DEAF1: variants seen among roughly 807,000 people sequenced by gnomAD.
The protein encoded by DEAF1 is DEAF1 transcription factor, also known as deformed epidermal autoregulatory factor 1 homolog.
In DEAF1, 53 loss-of-function variants were observed where a neutral mutation model predicts 58.9. The ratio of observed to expected loss-of-function variants is 0.90; its 90% CI spans 0.72 to 1.13. The LOEUF (loss-of-function observed/expected upper bound fraction) is 1.13, where lower values mean the gene tolerates loss of function less well. Among genes scored for constraint, DEAF1 ranks in the 50% most tolerant of loss-of-function variants. The pLI is 0.00. For missense variants in DEAF1, 685 were observed against 791.4 expected, an observed-to-expected ratio of 0.87 and a Z score of 1.61; for synonymous variants, 385 against 340.4, an observed-to-expected ratio of 1.13 and a Z score of -1.44.
intron 10 of DEAF1, among the ~76,000 whole-genome samples, chr11:669,104 C>T (rs1371487080): frequency 2.7e-5 from 4 of 147,682 alleles, no homozygotes; most frequent in Middle Eastern, 3.4e-3. Flanking sequence ...GGATTACAGG[C>T]GTAAGCCACT....
At chr11:694,472 G>A (rs1208358339) in intron 1 of DEAF1, 12 of 325,414 alleles carry the variant, frequency 3.7e-5, no homozygotes, top group Non-Finnish European at 6.7e-5. Context: ...GTCACCTGGA[G>A]CAGGTACGTG....
chr11:675,332 A>G (rs1454980476), intron 9 of DEAF1, among the ~76,000 whole-genome samples: 1 of 152,194 alleles, frequency 6.6e-6, no homozygotes, highest in East Asian at 1.9e-4. Context: ...CAGCCTGGGC[A>G]ACATAGCAGG....
chr11:700,247 A>T (rs7482162), intron 1 of DEAF1: 1 of 1,610,318 alleles, frequency 6.2e-7, no homozygotes, highest in Non-Finnish European at 8.5e-7. Flanking sequence ...TAAGTCAGGG[A>T]CGGGCACAGT....
chr11:690,681 G>C (rs534926402), intron 2 of DEAF1, among the ~76,000 whole-genome samples: 11 of 152,240 alleles, frequency 7.2e-5, no homozygotes, highest in Admixed American at 7.2e-4. Flanking sequence ...AGGAGGCGGA[G>C]GTTGCAATGA....
intron 10 of DEAF1, among the ~76,000 whole-genome samples, chr11:657,088 C>T (rs1859094462): frequency 6.6e-6 from 1 of 152,152 alleles, no homozygotes; most frequent in Non-Finnish European, 1.5e-5. Context: ...CTCCACGTGA[C>T]AACATCCCAG....
intron 9 of DEAF1, among the ~76,000 whole-genome samples, chr11:675,506 G>A (rs1355930865): frequency 6.6e-6 from 1 of 151,986 alleles, no homozygotes; most frequent in African/African-American, 2.4e-5. Context: ...TTCGGCCTTG[G>A]TGACTTAATG....
chr11:644,698 A>C lies in DEAF1; in HGVS notation c.1594-44T>G, dbSNP rs1858399647. 2.0e-6 allele frequency: 3 copies of C among 1,507,376 alleles called. No homozygotes were observed. The highest frequency in any genetic ancestry group is 2.4e-5 in the East Asian group (1 of 42,392). 93.4% of individuals were successfully genotyped at this position (1,507,376 alleles called of 1,614,324 possible). A position where few individuals can be genotyped will look rare whatever the true frequency, so the allele number is the denominator to read the frequency against. ...CCATGTCAGCAGGGTCAGTGGGTGG[A>C]GCAGGGTCTGGGCAGGGTCCCCAAG... is the stretch of plus-strand genomic sequence containing the variant. On this transcript the variant is annotated intron_variant, in intron 11 of 11. Transcript: ENST00000382409. The surrounding 1 kb of genome is among the most constrained non-coding windows in gnomAD (Gnocchi z 4.3).
Position 654,417 on chromosome 11 carries a change from G to A in DEAF1, c.1504-366C>T, listed in dbSNP as rs554908627. On this transcript the variant is annotated intron_variant, in intron 10 of 11. Coordinates refer to ENST00000382409, the MANE Select transcript of DEAF1 (RefSeq NM_021008.4). ...TCTGACCTCGTGATCCACCTGCCTC[G>A]GCCTCCCAAAGTGCTGGGATTACAG... 9.3e-5 allele frequency among the ~76,000 whole-genome samples: 14 copies of A among 150,926 alleles called. No homozygotes were observed. The South Asian group carries it at 1.7e-3, about 18-fold the overall frequency.
In DEAF1 at chr11:686,963, G is replaced by A; in HGVS notation, c.699C>T (p.Asn233=). The A allele has an allele frequency of 3.1e-6, 5 of 1,614,186 alleles. No individual in the cohort carries two copies. The highest frequency in any genetic ancestry group is 4.2e-6 in the Non-Finnish European group (5 of 1,180,046). The change falls in exon 5 of 12, where the codon AAC becomes AAT. Residue 233 remains asparagine (N), a synonymous_variant. Transcript: ENST00000382409. ...GRGRCIKQGE[N]WYSPTEFEAM... ...CCTCAAACTCGGTGGGACTGTACCA[G>A]TTCTCCCCCTGCTTGATGCACCGTC...
At chr11:664,410 TC>T (rs1478028016) in intron 10 of DEAF1, among the ~76,000 whole-genome samples, 3 of 151,140 alleles carry the variant, frequency 2.0e-5, no homozygotes, top group Admixed American at 6.6e-5. Context: ...AAGTCCTGAC[TC>T]CAGCTATTCA....
chr11:681,407 CTTTCT>C (rs1455805555), intron 6 of DEAF1, among the ~76,000 whole-genome samples: 30 of 107,252 alleles, frequency 2.8e-4, no homozygotes, highest in Non-Finnish European at 3.8e-4. Context: ...AATTTTCTTT[CTTTCT>C]TTTTTTTTTT....
chr11:700,609 C>G (rs917330189), intron 1 of DEAF1: 18 of 1,613,528 alleles, frequency 1.1e-5, no homozygotes, highest in Admixed American at 3.3e-5. Flanking sequence ...CGCCTCTGCT[C>G]TTCAGGTCAG....
At position 688,580 on chromosome 11, in the gene DEAF1, C is replaced by T. The variant is rs1406296210; in HGVS notation, c.388-120G>A. 1.7e-6 allele frequency: 2 copies of T among 1,159,226 alleles called. No homozygotes were observed. Among genetic ancestry groups the T allele is most frequent in the Non-Finnish European group, 2.5e-6 (2 of 785,080 alleles). The allele number at this position is 1,159,226 out of a possible 1,614,324, so 71.8% of individuals were successfully genotyped here. ...GCTGTTCTCACCAAGAAGGGACGCTCACCTAGGCACCCCATATCTTTTCCA... is the reference window on the plus strand; with the variant it reads ...GCTGTTCTCACCAAGAAGGGACGCTTACCTAGGCACCCCATATCTTTTCCA... On this transcript the variant is annotated intron_variant, in intron 2 of 11. Transcript: ENST00000382409. The surrounding 1 kb of genome is among the most constrained non-coding windows in gnomAD (Gnocchi z 4.3).
intron 1 of DEAF1, 125 bp downstream of exon 1, chr11:694,634 G>A: frequency 2.1e-6 from 2 of 956,580 alleles, no homozygotes; most frequent in East Asian, 3.5e-5. Flanking sequence ...GAGCGGGCTG[G>A]TCACGTGGAG....
chr11:679,324 A>C (rs535605390), intron 8 of DEAF1, among the ~76,000 whole-genome samples: 48 of 152,086 alleles, frequency 3.2e-4, no homozygotes, highest in African/African-American at 1.0e-3. Context: ...CAAAAAAAAA[A>C]AAAAATCAGT....
chr11:688,106 A>ACCGGGACAC lies in DEAF1; in HGVS notation c.518-50_518-49insGTGTCCCGG. 1 of 1,611,588 alleles carries ACCGGGACAC rather than the reference A, an allele frequency of 6.2e-7. No homozygotes were observed. ...GGTGAGAGGCCGGACACCGGGAAGCATAGTACACTCTCATCTCAGACACCA... is the reference window on the plus strand; with the variant it reads ...GGTGAGAGGCCGGACACCGGGAAGCACCGGGACACTAGTACACTCTCATCTCAGACACCA... On this transcript the variant is annotated intron_variant, in intron 3 of 11. Coordinates refer to ENST00000382409, the MANE Select transcript of DEAF1 (RefSeq NM_021008.4). The surrounding 1 kb of genome is among the most constrained non-coding windows in gnomAD (Gnocchi z 4.3).
chr11:696,377 G>T (rs991425969), upstream of DEAF1, among the ~76,000 whole-genome samples: 4 of 152,200 alleles, frequency 2.6e-5, no homozygotes, highest in African/African-American at 9.6e-5. Context: ...CTTCGTGCGT[G>T]TTCTCTAGTA....
At chr11:648,475 G>A (rs1051323489) in intron 11 of DEAF1, among the ~76,000 whole-genome samples, 91 of 152,236 alleles carry the variant, frequency 6.0e-4, no homozygotes, top group Admixed American at 3.4e-3. Flanking sequence ...GATTACAGGC[G>A]TGAGCCACCG....
At chr11:661,767 C>T (rs1859331266) in intron 10 of DEAF1, among the ~76,000 whole-genome samples, 1 of 152,202 alleles carries the variant, frequency 6.6e-6, no homozygotes, top group Admixed American at 6.5e-5. Flanking sequence ...TGCCCTCCCA[C>T]TGCTGGAGGC....
Sources: gnomAD v4.1 joint callset for allele counts (sites outside exome capture counted in the v4.1 genomes callset) on GRCh38, gnomAD v4.1.1 for gene constraint, Gnocchi (gnomAD v3.1) non-coding constraint, MANE v1.5 for transcripts, NCBI Gene and HGNC (gene_info 2026-07-23, HGNC 2026-07-21) for gene names.